ULK4: variants seen among roughly 807,000 people sequenced by gnomAD.
ULK4 encodes unc-51 like kinase 4.
Under a neutral mutation model 160.6 loss-of-function variants are expected in ULK4, and 133 were observed. The observed-to-expected ratio is 0.83, with a 90% confidence interval of 0.72 to 0.96. ULK4 has a LOEUF of 0.96. Ranked by LOEUF, ULK4 falls within the 40% of genes least tolerant of loss-of-function variation. The pLI is 0.00. For missense variants in ULK4, 1,580 were observed against 1,499.5 expected, an observed-to-expected ratio of 1.05 and a Z score of -0.89; for synonymous variants, 534 against 539.8, an observed-to-expected ratio of 0.99 and a Z score of 0.15.
chr3:41,445,092 G>C (rs1025229404), intron 34 of ULK4, among the ~76,000 whole-genome samples: 1 of 152,094 alleles, frequency 6.6e-6, no homozygotes, highest in Non-Finnish European at 1.5e-5. Context: ...GACAAACAGA[G>C]AGCCAAATCA....
intron 21 of ULK4, among the ~76,000 whole-genome samples, chr3:41,785,463 G>A (rs2039973092): frequency 6.6e-6 from 1 of 152,104 alleles, no homozygotes; most frequent in South Asian, 2.1e-4. Context: ...CTTCTTTAGA[G>A]TCTTCTAAGT....
chr3:41,511,833 A>G (rs539958178), intron 32 of ULK4, among the ~76,000 whole-genome samples: 1 of 152,270 alleles, frequency 6.6e-6, no homozygotes, highest in East Asian at 1.9e-4. Flanking sequence ...GGACATAACA[A>G]AAAAAGAAAA....
At chr3:41,677,196 G>A (rs1004213608) in intron 29 of ULK4, among the ~76,000 whole-genome samples, 14 of 147,280 alleles carry the variant, frequency 9.5e-5, no homozygotes, top group East Asian at 2.1e-4. Flanking sequence ...GGTGTGAGCC[G>A]GTGTACCCAG....
intron 29 of ULK4, among the ~76,000 whole-genome samples, chr3:41,664,477 T>C (rs749155725): frequency 2.4e-4 from 36 of 152,198 alleles, no homozygotes; most frequent in Admixed American, 1.6e-3. Flanking sequence ...GTGATGTTTC[T>C]GCCCAAGGAA....
At chr3:41,707,689 G>C (rs1337117243) in intron 25 of ULK4, among the ~76,000 whole-genome samples, 2 of 152,046 alleles carry the variant, frequency 1.3e-5, no homozygotes, top group African/African-American at 2.4e-5. Context: ...AATTAGCCAA[G>C]CATGGTGGCA....
chr3:41,835,927 G>A lies in ULK4; in HGVS notation c.1701C>T (p.Asn567=), dbSNP rs541724172. 7 of 1,611,092 alleles carry A rather than the reference G, an allele frequency of 4.3e-6. No homozygotes were observed. The highest frequency in any genetic ancestry group is 4.2e-6 in the Non-Finnish European group (5 of 1,179,356). The change falls in exon 18 of 37, where the codon AAC becomes AAT. Residue 567 remains asparagine, a synonymous_variant. Transcript: ENST00000301831. ...LTELIRENFR[N]SKLKQCLLPT... ...GTAAAAGGCACTGTTTTAATTTGCTGTTCCTGAAGTTTTCCCTAATTAATT... is the reference window on the plus strand; with the variant it reads ...GTAAAAGGCACTGTTTTAATTTGCTATTCCTGAAGTTTTCCCTAATTAATT...
chr3:41,835,806 T>C, intron 18 of ULK4, 58 bp downstream of exon 18: 1 of 1,315,696 alleles, frequency 7.6e-7, no homozygotes, highest in Non-Finnish European at 1.1e-6. Context: ...TTAATACTTG[T>C]CAGCCAGAGT....
chr3:41,429,746 T>G (rs1437405172), intron 34 of ULK4, among the ~76,000 whole-genome samples: 2 of 146,374 alleles, frequency 1.4e-5, no homozygotes, highest in African/African-American at 5.1e-5. Flanking sequence ...TCGGTGGGGG[T>G]GCAGCATGGG....
intron 18 of ULK4, among the ~76,000 whole-genome samples, chr3:41,831,501 C>T (rs1336189463): frequency 7.4e-6 from 1 of 134,316 alleles, no homozygotes; most frequent in African/African-American, 3.0e-5. Flanking sequence ...ATAAAGTTTA[C>T]ATTTTTATTG....
At chr3:41,510,585 A>G (rs1367852542) in intron 32 of ULK4, among the ~76,000 whole-genome samples, 2 of 152,222 alleles carry the variant, frequency 1.3e-5, no homozygotes, top group African/African-American at 2.4e-5. Flanking sequence ...GATAAAGCAC[A>G]AAATAAGTCT....
Position 41,705,055 on chromosome 3 carries a change from A to C in ULK4, c.2781+2T>G, listed in dbSNP as rs867960846. 1.2e-6 allele frequency: 2 copies of C among 1,607,736 alleles called. No homozygotes were observed. The highest frequency in any genetic ancestry group is 1.7e-6 in the Non-Finnish European group (2 of 1,177,994). ...CTTTTTTCAAAAGCTGCCAGAACTG[A>C]CCGTGGAGCGATAGTCTTTCAATAA... On this transcript the variant is annotated splice_donor_variant, in intron 27 of 36. Coordinates refer to ENST00000301831, the MANE Select transcript of ULK4 (RefSeq NM_017886.4). LOFTEE classifies it high-confidence loss of function.
At position 41,865,270 on chromosome 3, in the gene ULK4, TTAA is replaced by T. The variant is rs1292676569; in HGVS notation, c.1656+18601_1656+18603del. On this transcript the variant is annotated intron_variant, in intron 17 of 36. Coordinates refer to ENST00000301831, the MANE Select transcript of ULK4 (RefSeq NM_017886.4). ...TGGGCAACAGAGCAAGACTCTGTCT[TTAA>T]AAAAAAAAAAAAAAAAAAAAAAAAA... is the stretch of plus-strand genomic sequence containing the variant. Among the ~76,000 whole-genome samples, 138 of 65,612 alleles carry T rather than the reference TTAA, an allele frequency of 2.1e-3. 3 individuals carry two copies. The highest frequency in any genetic ancestry group is 0.016 in the Middle Eastern group (1 of 64). 43.0% of individuals were successfully genotyped at this position (65,612 alleles called of 152,430 possible). A position where few individuals can be genotyped will look rare whatever the true frequency, so the allele number is the denominator to read the frequency against.
At chr3:41,437,125 C>G (rs1293895313) in intron 34 of ULK4, among the ~76,000 whole-genome samples, 1 of 152,158 alleles carries the variant, frequency 6.6e-6, no homozygotes, top group African/African-American at 2.4e-5. Context: ...CTCCACTCAA[C>G]AGAACAGTAT....
chr3:41,856,482 C>A (rs2042337192), intron 17 of ULK4, among the ~76,000 whole-genome samples: 1 of 141,498 alleles, frequency 7.1e-6, no homozygotes, highest in African/African-American at 2.6e-5. Flanking sequence ...CAAAGTACTC[C>A]ATGAGGACAC....
At chr3:41,566,391 G>C (rs891066613) in intron 31 of ULK4, among the ~76,000 whole-genome samples, 1 of 152,156 alleles carries the variant, frequency 6.6e-6, no homozygotes, top group Non-Finnish European at 1.5e-5. Context: ...GATAACACAT[G>C]GTCCTCCATG....
intron 19 of ULK4, among the ~76,000 whole-genome samples, chr3:41,809,570 C>A (rs953079348): frequency 6.6e-6 from 1 of 152,068 alleles, no homozygotes; most frequent in African/African-American, 2.4e-5. Context: ...TATAGATAAT[C>A]AGTTTCCGCA....
At chr3:41,945,651 A>G (rs1700090029) in intron 2 of ULK4, among the ~76,000 whole-genome samples, 1 of 152,190 alleles carries the variant, frequency 6.6e-6, no homozygotes, top group Non-Finnish European at 1.5e-5. Context: ...CAGCATTTCC[A>G]TCCCTCCAGA....
At chr3:41,637,331 ACATCCTCCAGGTC>A (rs1247807017) in intron 30 of ULK4, among the ~76,000 whole-genome samples, 1 of 152,162 alleles carries the variant, frequency 6.6e-6, no homozygotes, top group Non-Finnish European at 1.5e-5. Context: ...ACTTAATATA[ACATCCTCCAGGTC>A]CATCCATATT....
intron 32 of ULK4, among the ~76,000 whole-genome samples, chr3:41,518,645 A>C (rs1462278213): frequency 6.6e-6 from 1 of 152,184 alleles, no homozygotes; most frequent in Non-Finnish European, 1.5e-5. Context: ...ATGCTGCCCG[A>C]CATTAGATTT....
Sources: gnomAD v4.1 joint callset for allele counts (sites outside exome capture counted in the v4.1 genomes callset) on GRCh38, gnomAD v4.1.1 for gene constraint, MANE v1.5 for transcripts, NCBI Gene and HGNC (gene_info 2026-07-23, HGNC 2026-07-21) for gene names.